The following ARSK variants were observed in gnomAD, a reference collection of about 807,000 sequenced individuals.
ARSK encodes the protein arylsulfatase family member K, also known as arylsulfatase K.
In ARSK, 37 loss-of-function variants were observed where a neutral mutation model predicts 53.2. That is an observed-to-expected ratio of 0.70 (90% CI 0.54 to 0.92). The LOEUF (loss-of-function observed/expected upper bound fraction) is 0.92. Among genes scored for constraint, ARSK ranks in the 40% least tolerant of loss-of-function variants. The probability of loss-of-function intolerance (pLI) is 0.00; values close to 1 mark genes in which losing one functional copy is unlikely to be tolerated. For synonymous variants in ARSK, 208 were observed against 223.2 expected (o/e 0.93, Z 0.61); for missense variants, 613 against 643.0 (o/e 0.95, Z 0.51).
chr5:95,601,123 C>A (rs781397169), intron 7 of ARSK, 52 bp downstream of exon 7: 57 of 1,434,246 alleles, frequency 4.0e-5, no homozygotes, highest in Non-Finnish European at 5.5e-5. Context: ...ATGAACTGCC[C>A]TATGTAGCAT....
chr5:95,595,287 G>T (rs1224971864), intron 6 of ARSK, among the ~76,000 whole-genome samples: 1 of 152,170 alleles, frequency 6.6e-6, no homozygotes, highest in African/African-American at 2.4e-5. Flanking sequence ...ATTTCTCAAA[G>T]AACTTAAAAC....
At chr5:95,598,169 T>G (rs186444147) in intron 6 of ARSK, among the ~76,000 whole-genome samples, 14 of 152,280 alleles carry the variant, frequency 9.2e-5, no homozygotes, top group Admixed American at 8.5e-4. Context: ...GTTTACTGTT[T>G]TACATTAAGT....
At position 95,566,138 on chromosome 5, in the gene ARSK, C is replaced by T. The variant is rs1189654598; in HGVS notation, c.256+11C>T. 1.2e-6 allele frequency: 2 copies of T among 1,610,126 alleles called. No individual in the cohort carries two copies. The highest frequency in any genetic ancestry group is 2.7e-5 in the African/African-American group (2 of 74,682). ...GCCCATCACGCGCAGGTATGAACATCCTTAATATGAATGGGAGAAAGTGGC... is the reference window on the plus strand; with the variant it reads ...GCCCATCACGCGCAGGTATGAACATTCTTAATATGAATGGGAGAAAGTGGC... On this transcript the variant is annotated intron_variant, in intron 2 of 7. Transcript: ENST00000380009.
intron 3 of ARSK, among the ~76,000 whole-genome samples, chr5:95,569,768 G>A (rs1270050800): frequency 6.6e-6 from 1 of 152,206 alleles, no homozygotes; most frequent in Non-Finnish European, 1.5e-5. Flanking sequence ...AATACAGTGA[G>A]TTTTGGGTAA....
rs772611743 is a variant in ARSK, at chr5:95,603,337, T to G, written c.1422T>G (p.Pro474=). 6.2e-7 allele frequency: 1 copy of G among 1,612,736 alleles called. No homozygotes were observed. Among genetic ancestry groups the G allele is most frequent in the East Asian group, 2.2e-5 (1 of 44,824 alleles). Residue 474 remains proline, a synonymous_variant, in exon 8 of 8, where the codon CCT becomes CCG. Coordinates refer to ENST00000380009, the MANE Select transcript of ARSK (RefSeq NM_198150.3). The part of the protein sequence containing the change: ...DQKLHSIINY[P]KVSASVHQYN... ...AGCTTCATTCCATTATAAACTACCC[T>G]AAAGTTTCTGCTTCTGTCCACCAGT...
In ARSK at chr5:95,590,934, A is replaced by G. The variant is rs572038356; in HGVS notation, c.872-467A>G. On this transcript the variant is annotated intron_variant, in intron 5 of 7. Transcript: ENST00000380009. ...AGCATGATCTGGTGATTGCTTAGAG[A>G]TTTGGGAGAAAAAGTAGCAGAGAAG... Among the ~76,000 whole-genome samples, 23 of 152,256 alleles carry G rather than the reference A, an allele frequency of 1.5e-4. No homozygotes were observed. The South Asian group carries it at 4.6e-3, about 30-fold the overall frequency.
rs70978188 is a variant in ARSK, at chr5:95,560,802, C to CT, written c.127-5176dup. ...GGCAATTAAAAGATGGGCAAAAGAT[C>CT]TTTTTTTTTTTTTTTTTTTTGAAAT... On this transcript the variant is annotated intron_variant, in intron 1 of 7. Transcript: ENST00000380009. 1.7e-3 allele frequency among the ~76,000 whole-genome samples: 180 copies of CT among 108,258 alleles called. 1 individual carries two copies. Among genetic ancestry groups the CT allele is most frequent in the Non-Finnish European group, 2.4e-3 (126 of 52,140 alleles). The allele number at this position is 108,258 out of a possible 152,430, so 71.0% of individuals were successfully genotyped here. A position where few individuals can be genotyped will look rare whatever the true frequency, so the allele number is the denominator to read the frequency against.
At position 95,555,495 on chromosome 5, in the gene ARSK, C is replaced by T; in HGVS notation, c.126+91C>T. The T allele has an allele frequency of 1.4e-6, 2 of 1,384,872 alleles. No individual in the cohort carries two copies. 85.8% of individuals were successfully genotyped at this position (1,384,872 alleles called of 1,614,324 possible). The stretch of plus-strand genomic sequence containing the variant: ...TGCTGCAGGCTTTGGGGAGCAGAAC[C>T]TGAGACATTTTCAAACACCTTTTAC... On this transcript the variant is annotated intron_variant, in intron 1 of 7. Transcript: ENST00000380009. The surrounding 1 kb of genome is among the most constrained non-coding windows in gnomAD (Gnocchi z 4.0).
chr5:95,595,598 A>G (rs147199995), intron 6 of ARSK, among the ~76,000 whole-genome samples: 254 of 151,880 alleles, frequency 1.7e-3, no homozygotes, highest in Middle Eastern at 6.8e-3. Flanking sequence ...GTTCTCACTT[A>G]TAAGTGAGAA....
chr5:95,562,013 G>A (rs1006656755), intron 1 of ARSK, among the ~76,000 whole-genome samples: 1 of 152,100 alleles, frequency 6.6e-6, no homozygotes, highest in Admixed American at 6.5e-5. Context: ...TCAGAAGTTC[G>A]AGACCAGCCT....
rs1196030735 is a variant in ARSK, at chr5:95,603,564, A to G, written c.*38A>G. 6.9e-7 allele frequency: 1 copy of G among 1,453,046 alleles called. No homozygotes were observed. The highest frequency in any genetic ancestry group is 1.5e-5 in the South Asian group (1 of 67,676). The allele number at this position is 1,453,046 out of a possible 1,614,324, so 90.0% of individuals were successfully genotyped here. On this transcript the variant is annotated 3_prime_UTR_variant, in exon 8 of 8. Transcript: ENST00000380009. ...AAAATAGTGTTCTAGAGATACATAT[A>G]AATATATTACAAGATCATAATTATG...
chr5:95,560,970 A>G (rs1052572192), intron 1 of ARSK, among the ~76,000 whole-genome samples: 4 of 151,910 alleles, frequency 2.6e-5, no homozygotes, highest in African/African-American at 9.7e-5. Flanking sequence ...ACACCCAGAT[A>G]ATTTTTTAAT....
rs886804529 is a variant in ARSK, at chr5:95,555,207, T to A, written c.-72T>A. The A allele has an allele frequency of 6.8e-6, 10 of 1,473,472 alleles. No homozygotes were observed. The highest frequency in any genetic ancestry group is 9.1e-6 in the Non-Finnish European group (10 of 1,095,366). 91.3% of individuals were successfully genotyped at this position (1,473,472 alleles called of 1,614,324 possible). A position where few individuals can be genotyped will look rare whatever the true frequency, so the allele number is the denominator to read the frequency against. ...TGGGAGTTGTTCGCTGTCCCTGCCCTGCTCTGCTAGGGAGAGAACGCCAGA... is the reference window on the plus strand; with the variant it reads ...TGGGAGTTGTTCGCTGTCCCTGCCCAGCTCTGCTAGGGAGAGAACGCCAGA... On this transcript the variant is annotated 5_prime_UTR_variant, in exon 1 of 8. Transcript: ENST00000380009. The surrounding 1 kb of genome is among the most constrained non-coding windows in gnomAD (Gnocchi z 4.0).
chr5:95,584,941 C>A (rs759994261), intron 4 of ARSK, among the ~76,000 whole-genome samples: 3 of 152,036 alleles, frequency 2.0e-5, no homozygotes, highest in South Asian at 2.1e-4. Context: ...ACCTGGGAGG[C>A]GGAGGTTACA....
At chr5:95,589,456 G>T (rs1749176269) in intron 5 of ARSK, among the ~76,000 whole-genome samples, 1 of 152,276 alleles carries the variant, frequency 6.6e-6, no homozygotes, top group Middle Eastern at 3.4e-3. Context: ...AGGCCCCAAT[G>T]TGTATTGTTC....
chr5:95,601,128 T>G (rs1279036381), intron 7 of ARSK, 57 bp downstream of exon 7: 3 of 1,385,752 alleles, frequency 2.2e-6, no homozygotes, highest in East Asian at 4.6e-5. Context: ...CTGCCCTATG[T>G]AGCATTGCTC....
At chr5:95,570,218 A>C (rs1262640658) in intron 3 of ARSK, among the ~76,000 whole-genome samples, 1 of 152,202 alleles carries the variant, frequency 6.6e-6, no homozygotes, top group African/African-American at 2.4e-5. Context: ...ATGAGACCCT[A>C]CATGATCTAG....
intron 7 of ARSK, among the ~76,000 whole-genome samples, chr5:95,602,686 T>C (rs968531929): frequency 2.3e-4 from 35 of 152,234 alleles, no homozygotes; most frequent in Non-Finnish European, 4.3e-4. Flanking sequence ...ATTATTTTCT[T>C]GCTGGCAGTG....
At chr5:95,585,237 A>C (rs990125709) in intron 4 of ARSK, among the ~76,000 whole-genome samples, 46 of 152,212 alleles carry the variant, frequency 3.0e-4, no homozygotes, top group African/African-American at 1.1e-3. Flanking sequence ...AATGTAAACT[A>C]GTACAACCAC....
Sources: gnomAD v4.1 joint callset for allele counts (sites outside exome capture counted in the v4.1 genomes callset) on GRCh38, gnomAD v4.1.1 for gene constraint, Gnocchi (gnomAD v3.1) non-coding constraint, MANE v1.5 for transcripts, NCBI Gene and HGNC (gene_info 2026-07-23, HGNC 2026-07-21) for gene names.